Variants in SPOCK3 observed in about 807,000 individuals in gnomAD.
SPOCK3 encodes testican-3.
SPOCK3 carries 30 observed loss-of-function variants against 56.6 expected under a neutral mutation model. The ratio of observed to expected loss-of-function variants is 0.53; its 90% CI spans 0.40 to 0.72. SPOCK3 has a LOEUF of 0.72. Among genes scored for constraint, SPOCK3 ranks in the 30% least tolerant of loss-of-function variants. The pLI is 0.00. For missense variants in SPOCK3, 527 were observed against 530.0 expected, an observed-to-expected ratio of 0.99 and a Z score of 0.06; for synonymous variants, 196 against 183.3, an observed-to-expected ratio of 1.07 and a Z score of -0.56.
intron 2 of SPOCK3, among the ~76,000 whole-genome samples, chr4:167,225,470 A>C (rs71620433): frequency 0.02 from 3,091 of 152,180 alleles, 70 homozygotes; most frequent in Middle Eastern, 0.054. Flanking sequence ...TAACTTTATG[A>C]AGACTTTTTA....
chr4:166,786,263 A>G (rs976089719), intron 7 of SPOCK3, among the ~76,000 whole-genome samples: 2 of 152,142 alleles, frequency 1.3e-5, no homozygotes, highest in Admixed American at 1.3e-4. Context: ...TTTACTATGA[A>G]GAATTATATT....
At chr4:166,955,840 T>G (rs1280412522) in intron 4 of SPOCK3, among the ~76,000 whole-genome samples, 1 of 151,930 alleles carries the variant, frequency 6.6e-6, no homozygotes, top group African/African-American at 2.4e-5. Flanking sequence ...CATCATGAGC[T>G]GAGGAGCAGG....
Position 166,893,761 on chromosome 4 carries a change from C to A in SPOCK3, c.475-4517G>T, listed in dbSNP as rs75243766. Among the ~76,000 whole-genome samples, 832 of 152,084 alleles carry A rather than the reference C, an allele frequency of 5.5e-3. 10 individuals carry two copies. The highest frequency in any genetic ancestry group is 0.022 in the South Asian group (106 of 4,812). On this transcript the variant is annotated intron_variant, in intron 5 of 10. Coordinates refer to ENST00000357545, the MANE Select transcript of SPOCK3 (RefSeq NM_001040159.2). ...GAATGTCATGAGTCACTTTTTTATT[C>A]CCCATTTTAATCTATCTTGGACTGA...
At chr4:166,794,833 G>A (rs1448769268) in intron 6 of SPOCK3, among the ~76,000 whole-genome samples, 2 of 151,836 alleles carry the variant, frequency 1.3e-5, no homozygotes, top group African/African-American at 4.8e-5. Context: ...AGTAGAGACG[G>A]GGTTTCACCA....
intron 2 of SPOCK3, among the ~76,000 whole-genome samples, chr4:167,088,321 A>G (rs1321824202): frequency 1.4e-4 from 21 of 152,190 alleles, no homozygotes. Context: ...CATTGTGGTC[A>G]GTACCACACT....
Position 167,114,471 on chromosome 4 carries a change from C to T in SPOCK3, c.190-51934G>A, listed in dbSNP as rs1468974931. Among the ~76,000 whole-genome samples the T allele has an allele frequency of 3.3e-5, 5 of 152,112 alleles. No individual in the cohort carries two copies. In the East Asian group the frequency reaches 9.7e-4, roughly 29 times the overall value. ...CCAAGATTAAATATACGAGCTCCCT[C>T]AAGAAAGGAAAAATAAGAAGGCTTG... is the stretch of plus-strand genomic sequence containing the variant. On this transcript the variant is annotated intron_variant, in intron 2 of 10. Transcript: ENST00000357545.
At chr4:167,181,948 C>G (rs907652832) in intron 2 of SPOCK3, among the ~76,000 whole-genome samples, 1 of 152,118 alleles carries the variant, frequency 6.6e-6, no homozygotes, top group Non-Finnish European at 1.5e-5. Context: ...CCCCACCCAG[C>G]ACATGTGATA....
At position 167,078,329 on chromosome 4, in the gene SPOCK3, T is replaced by C. The variant is rs925292554; in HGVS notation, c.190-15792A>G. Among the ~76,000 whole-genome samples the C allele has an allele frequency of 2.9e-3, 392 of 134,456 alleles. 5 individuals carry two copies. The highest frequency in any genetic ancestry group is 0.011 in the African/African-American group (323 of 29,100). 88.2% of individuals were successfully genotyped at this position (134,456 alleles called of 152,430 possible). ...AACTCTGTGTGTGTGTGTGTGTGTG[T>C]GTGTGTGTGTGTGTGTGTGTGTGTG... is the stretch of plus-strand genomic sequence containing the variant. On this transcript the variant is annotated intron_variant, in intron 2 of 10. Coordinates refer to ENST00000357545, the MANE Select transcript of SPOCK3 (RefSeq NM_001040159.2).
intron 2 of SPOCK3, among the ~76,000 whole-genome samples, chr4:167,197,853 T>C (rs906452039): frequency 3.9e-5 from 6 of 152,192 alleles, no homozygotes; most frequent in Non-Finnish European, 8.8e-5. Context: ...TTACCATTTA[T>C]AAAGGACAGA....
chr4:166,856,722 C>T (rs540355126), intron 6 of SPOCK3, among the ~76,000 whole-genome samples: 11 of 151,866 alleles, frequency 7.2e-5, no homozygotes, highest in East Asian at 5.8e-4. Context: ...TGCATTGAGC[C>T]GAGATCTTGC....
chr4:166,815,047 G>A (rs1410778786), intron 6 of SPOCK3, among the ~76,000 whole-genome samples: 1 of 151,946 alleles, frequency 6.6e-6, no homozygotes, highest in Admixed American at 6.6e-5. Context: ...TTTATCTTTT[G>A]ATTCCATTTT....
intron 2 of SPOCK3, among the ~76,000 whole-genome samples, chr4:167,195,760 G>A (rs1222419629): frequency 3.3e-5 from 5 of 152,160 alleles, no homozygotes; most frequent in Non-Finnish European, 7.4e-5. Flanking sequence ...CTGTGTCTGT[G>A]GCAGGGACCA....
intron 3 of SPOCK3, among the ~76,000 whole-genome samples, chr4:167,052,249 A>G (rs1031360363): frequency 2.6e-5 from 4 of 152,252 alleles, no homozygotes; most frequent in African/African-American, 9.6e-5. Flanking sequence ...TTTCTCATTT[A>G]GAAGCCCTAT....
chr4:167,136,184 T>C (rs1310350872), intron 2 of SPOCK3, among the ~76,000 whole-genome samples: 3 of 152,074 alleles, frequency 2.0e-5, no homozygotes, highest in Non-Finnish European at 4.4e-5. Flanking sequence ...AACCCAGGAA[T>C]TTGTAAGGCC....
At chr4:167,089,872 A>G (rs1287629705) in intron 2 of SPOCK3, among the ~76,000 whole-genome samples, 2 of 152,166 alleles carry the variant, frequency 1.3e-5, no homozygotes, top group Non-Finnish European at 2.9e-5. Context: ...ATGTTATACA[A>G]ATGGAATAAT....
intron 2 of SPOCK3, among the ~76,000 whole-genome samples, chr4:167,076,375 G>T (rs1233249429): frequency 6.6e-6 from 1 of 151,762 alleles, no homozygotes; most frequent in African/African-American, 2.4e-5. Context: ...TTGATCATGG[G>T]AGACTTGAGT....
chr4:167,028,370 G>A lies in SPOCK3; in HGVS notation c.236-27907C>T, dbSNP rs567862153. On this transcript the variant is annotated intron_variant, in intron 3 of 10. Coordinates refer to ENST00000357545, the MANE Select transcript of SPOCK3 (RefSeq NM_001040159.2). ...CCAGCCTGTGTGACAGAGTGAAACC[G>A]GTAAAACAACAACAACAACAACAAC... 5.8e-4 allele frequency among the ~76,000 whole-genome samples: 85 copies of A among 145,998 alleles called. No homozygotes were observed. In the Middle Eastern group the frequency reaches 0.034, roughly 59 times the overall value.
intron 2 of SPOCK3, among the ~76,000 whole-genome samples, chr4:167,209,663 A>G (rs530184402): frequency 1.1e-3 from 175 of 152,284 alleles, no homozygotes; most frequent in Non-Finnish European, 2.1e-3. Context: ...TGCACCAGCC[A>G]TTACATAGAA....
chr4:166,733,665 A>G lies in SPOCK3; in HGVS notation c.*1256T>C, dbSNP rs1272265572. 2 of 152,258 alleles carry G rather than the reference A, an allele frequency of 1.3e-5. No individual in the cohort carries two copies. The highest frequency in any genetic ancestry group is 4.8e-5 in the African/African-American group (2 of 41,434). The allele number at this position is 152,258 out of a possible 1,614,324, so 9.4% of individuals were successfully genotyped here. ...ATATAGTTAAAAGTGATGGTGTGCC[A>G]AAATGTCTACACAATTAATTAACAT... On this transcript the variant is annotated 3_prime_UTR_variant, in exon 11 of 11. Transcript: ENST00000357545.
Sources: allele counts gnomAD v4.1 joint callset (sites outside exome capture counted in the v4.1 genomes callset), GRCh38; gene constraint gnomAD v4.1.1; transcripts MANE v1.5; gene names NCBI Gene and HGNC (gene_info 2026-07-23, HGNC 2026-07-21).